DLAT: variants seen among roughly 807,000 people sequenced by gnomAD.
DLAT encodes the protein dihydrolipoyllysine-residue acetyltransferase component of pyruvate dehydrogenase complex, mitochondrial.
A neutral mutation model predicts 68.0 loss-of-function variants in DLAT; 43 were observed. That is an observed-to-expected ratio of 0.63 (90% CI 0.50 to 0.81). The LOEUF (loss-of-function observed/expected upper bound fraction) is 0.81. Ranked by LOEUF, DLAT falls within the 40% of genes least tolerant of loss-of-function variation. The pLI, the probability that DLAT is intolerant of heterozygous loss-of-function variation, is 0.00. For missense variants in DLAT, 745 were observed against 815.4 expected, an observed-to-expected ratio of 0.91 and a Z score of 1.05; for synonymous variants, 265 against 288.6, an observed-to-expected ratio of 0.92 and a Z score of 0.83.
intron 4 of DLAT, 125 bp downstream of exon 4, chr11:112,029,070 A>G: frequency 2.8e-6 from 3 of 1,080,370 alleles, no homozygotes; most frequent in Non-Finnish European, 4.2e-6. Flanking sequence ...TTGGGAGTAT[A>G]TAGGTTTAAA....
At chr11:112,032,163 G>A (rs191616334) in intron 4 of DLAT, among the ~76,000 whole-genome samples, 197 of 151,658 alleles carry the variant, frequency 1.3e-3, no homozygotes, top group Non-Finnish European at 2.1e-3. Context: ...AAAGTGCTGG[G>A]ATTACAGATG....
chr11:112,062,414 T>C lies in DLAT; in HGVS notation c.1823T>C (p.Val608Ala). The change falls in exon 14 of 14, where the codon GTG becomes GCG. Residue 608 changes from valine to alanine, a missense_variant. Val to Ala is a moderately conservative substitution (Grantham distance 64). Transcript: ENST00000280346. Reference protein sequence around the residue: ...VPADNEKGFDVASMMSVTLSC... With the variant: ...VPADNEKGFDAASMMSVTLSC... Reference sequence around the variant, plus strand: ...TCTTTATCTTTTTCTAGGTTTGATGTGGCTAGCATGATGTCTGTTACACTC... The same window carrying C: ...TCTTTATCTTTTTCTAGGTTTGATGCGGCTAGCATGATGTCTGTTACACTC... 2 of 1,612,534 alleles carry C rather than the reference T, an allele frequency of 1.2e-6. No individual in the cohort carries two copies.
At chr11:112,034,746 T>C (rs1374417747) in intron 5 of DLAT, among the ~76,000 whole-genome samples, 2 of 151,626 alleles carry the variant, frequency 1.3e-5, no homozygotes, top group Admixed American at 6.6e-5. Flanking sequence ...TTTGTAGTAT[T>C]ATGAATTTCT....
intron 2 of DLAT, among the ~76,000 whole-genome samples, chr11:112,026,617 G>C (rs1458648906): frequency 6.6e-6 from 1 of 152,198 alleles, no homozygotes; most frequent in Non-Finnish European, 1.5e-5. Flanking sequence ...CACAGCACAT[G>C]TTTCAGAGAG....
intron 11 of DLAT, among the ~76,000 whole-genome samples, chr11:112,052,852 C>T (rs1342325186): frequency 2.6e-5 from 4 of 151,978 alleles, no homozygotes; most frequent in African/African-American, 9.7e-5. Context: ...TGGCGCCATC[C>T]CGAGGTTACT....
In DLAT at chr11:112,063,546, C is replaced by A. The variant is rs1864771595; in HGVS notation, c.*1011C>A. The stretch of plus-strand genomic sequence containing the variant: ...GTACATTGGTAAACATTTTGGAGTG[C>A]TTAAAAATGCCAAAAACAAAATGGT... On this transcript the variant is annotated 3_prime_UTR_variant, in exon 14 of 14. Transcript: ENST00000280346. 2 of 152,586 alleles carry A rather than the reference C, an allele frequency of 1.3e-5. No individual in the cohort carries two copies. Among genetic ancestry groups the A allele is most frequent in the East Asian group, 1.9e-4 (1 of 5,190 alleles). The allele number at this position is 152,586 out of a possible 1,614,324, so 9.5% of individuals were successfully genotyped here.
Position 112,027,224 on chromosome 11 carries a change from G to A in DLAT, c.381+925G>A, listed in dbSNP as rs587670223. Among the ~76,000 whole-genome samples the A allele has an allele frequency of 7.3e-5, 11 of 151,690 alleles. No homozygotes were observed. The South Asian group carries it at 1.5e-3, about 20-fold the overall frequency. ...CGGAGGGTCTCTTCACTTCTCAGAC[G>A]GGGCGGCCGGGAAGAGACGCTCCTC... On this transcript the variant is annotated intron_variant, in intron 2 of 13. Coordinates refer to ENST00000280346, the MANE Select transcript of DLAT (RefSeq NM_001931.5).
chr11:112,060,938 C>T (rs782100509), intron 12 of DLAT, 100 bp from the exon 13 acceptor site: 12 of 1,087,640 alleles, frequency 1.1e-5, no homozygotes, highest in African/African-American at 1.6e-5. Context: ...TTCTTAAGAC[C>T]TTGCACCTTT....
At chr11:112,061,200 C>A in intron 13 of DLAT, 26 bp downstream of exon 13, 2 of 1,613,444 alleles carry the variant, frequency 1.2e-6, no homozygotes, top group Middle Eastern at 1.7e-4. Flanking sequence ...GAGGGGAAGT[C>A]GTAAGCTAAT....
intron 10 of DLAT, among the ~76,000 whole-genome samples, chr11:112,050,883 GA>G (rs1281694552): frequency 1.3e-5 from 2 of 152,204 alleles, no homozygotes; most frequent in African/African-American, 4.8e-5. Flanking sequence ...ACAGCTGTAA[GA>G]GTCCGCATTT....
At chr11:112,031,343 C>A (rs1271945888) in intron 4 of DLAT, among the ~76,000 whole-genome samples, 1 of 152,138 alleles carries the variant, frequency 6.6e-6, no homozygotes, top group African/African-American at 2.4e-5. Context: ...GATAGGCATT[C>A]TGATGTTTGG....
At chr11:112,057,533 G>A (rs900857692) in intron 11 of DLAT, among the ~76,000 whole-genome samples, 4 of 152,176 alleles carry the variant, frequency 2.6e-5, no homozygotes, top group Admixed American at 6.5e-5. Context: ...TTGCTGATAC[G>A]GAGAAAGTTT....
intron 2 of DLAT, among the ~76,000 whole-genome samples, chr11:112,027,719 G>A (rs1555179503): frequency 2.0e-5 from 3 of 152,036 alleles, no homozygotes; most frequent in African/African-American, 7.3e-5. Context: ...CCAACACAGC[G>A]AAACCCCGTC....
chr11:112,048,940 G>A (rs587701959), intron 10 of DLAT, among the ~76,000 whole-genome samples: 19 of 147,290 alleles, frequency 1.3e-4, no homozygotes, highest in South Asian at 6.6e-4. Context: ...ATCAGGAAAC[G>A]TGAGTCATCT....
chr11:112,059,717 A>C (rs1864425476), intron 11 of DLAT, among the ~76,000 whole-genome samples, 186 bp from the exon 12 acceptor site: 1 of 152,116 alleles, frequency 6.6e-6, no homozygotes, highest in Admixed American at 6.6e-5. Context: ...TAATAACTAC[A>C]AGTCAAGGAG....
intron 5 of DLAT, among the ~76,000 whole-genome samples, chr11:112,036,340 AG>A (rs1555180503): frequency 6.8e-6 from 1 of 146,532 alleles, no homozygotes; most frequent in Admixed American, 7.0e-5. Flanking sequence ...CAGCCTCCCG[AG>A]TAGCTGGGAT....
chr11:112,036,199 G>GTCTTT, intron 5 of DLAT, among the ~76,000 whole-genome samples: 1 of 51,920 alleles, frequency 1.9e-5, no homozygotes, highest in South Asian at 7.0e-4. Flanking sequence ...GTGTGTGTGT[G>GTCTTT]TGTTTTTTTT....
chr11:112,037,590 A>G (rs924268002), intron 6 of DLAT, 130 bp downstream of exon 6: 26 of 933,126 alleles, frequency 2.8e-5, no homozygotes, highest in Non-Finnish European at 3.9e-5. Flanking sequence ...ATAGTTTATT[A>G]ACATTTGTGG....
chr11:112,037,888 A>C (rs11602350), intron 6 of DLAT, among the ~76,000 whole-genome samples: 1 of 151,544 alleles, frequency 6.6e-6, no homozygotes, highest in African/African-American at 2.4e-5. Flanking sequence ...ATACTGAATA[A>C]TCTCTGTCAC....
Sources: gnomAD v4.1 joint callset for allele counts (sites outside exome capture counted in the v4.1 genomes callset) on GRCh38, gnomAD v4.1.1 for gene constraint, MANE v1.5 for transcripts, NCBI Gene and HGNC (gene_info 2026-07-23, HGNC 2026-07-21) for gene names.